The following ZPR1 variants were observed in gnomAD, a reference collection of about 807,000 sequenced individuals.
The protein encoded by ZPR1 is ZPR1 zinc finger, also known as zinc finger protein ZPR1.
ZPR1 carries 37 observed loss-of-function variants against 59.6 expected under a neutral mutation model. That is an observed-to-expected ratio of 0.62 (90% CI 0.48 to 0.82). The LOEUF (loss-of-function observed/expected upper bound fraction) is 0.82. Among genes scored for constraint, ZPR1 ranks in the 40% least tolerant of loss-of-function variants. The probability of loss-of-function intolerance (pLI) is 0.00; values close to 1 mark genes in which losing one functional copy is unlikely to be tolerated. For synonymous variants in ZPR1, 191 were observed against 215.2 expected (o/e 0.89, Z 0.99); for missense variants, 527 against 579.9 (o/e 0.91, Z 0.94).
At chr11:116,782,278 C>T (rs778656155) in intron 11 of ZPR1, 34 bp from the exon 12 acceptor site, 6 of 1,581,724 alleles carry the variant, frequency 3.8e-6, no homozygotes, top group South Asian at 1.1e-5. Flanking sequence ...TATGTGAATA[C>T]TGGCTTTATA....
chr11:116,784,867 T>C lies in ZPR1; in HGVS notation c.808A>G (p.Met270Val), dbSNP rs757127430. The stretch of plus-strand genomic sequence containing the variant: ...TGGCAAAAGATACGTACTAGCTTCA[T>C]GTTGGTCTGAGCGGGGGCATTGCAT... ...PECNAPAQTN[M>V]KLVQIPHFKE... is the part of the protein sequence containing the mutation. The change falls in exon 8 of 14, where the codon ATG becomes GTG. Residue 270 changes from methionine (M) to valine (V), a missense_variant. Physicochemically the swap from Met to Val is conservative, Grantham distance 21 (BLOSUM62 1). Coordinates refer to ENST00000227322, the MANE Select transcript of ZPR1 (RefSeq NM_003904.5). 2 of 1,614,208 alleles carry C rather than the reference T, an allele frequency of 1.2e-6. No individual in the cohort carries two copies. Among genetic ancestry groups the C allele is most frequent in the South Asian group, 1.1e-5 (1 of 91,082 alleles).
At chr11:116,786,923 T>C in intron 3 of ZPR1, 46 bp downstream of exon 3, 2 of 1,508,116 alleles carry the variant, frequency 1.3e-6, no homozygotes, top group Admixed American at 1.7e-5. Flanking sequence ...GAGGGTAAGA[T>C]TCTAGCTACA....
At position 116,787,946 on chromosome 11, in the gene ZPR1, G is replaced by T; in HGVS notation, c.45C>A (p.Ala15=). Residue 15 remains alanine (A), a synonymous_variant, in exon 1 of 14, where the codon GCC becomes GCA. Coordinates refer to ENST00000227322, the MANE Select transcript of ZPR1 (RefSeq NM_003904.5). ...GGGCCGGGGCGGGCGACGGGGCGAC[G>T]GCAGCCCCCGGGGGCCCTGGTTCCA... The part of the protein sequence containing the change: ...GAVEPGPPGA[A]VAPSPAPAPP... The T allele has an allele frequency of 1.4e-6, 2 of 1,466,038 alleles. No homozygotes were observed. Among genetic ancestry groups the T allele is most frequent in the South Asian group, 1.3e-5 (1 of 74,460 alleles). 90.8% of individuals were successfully genotyped at this position (1,466,038 alleles called of 1,614,324 possible).
intron 2 of ZPR1, 137 bp from the exon 3 acceptor site, chr11:116,787,196 T>C (rs1940901126): frequency 2.5e-6 from 2 of 796,228 alleles, no homozygotes; most frequent in Non-Finnish European, 4.2e-6. Flanking sequence ...TCCAGACTGC[T>C]CCTTTCGAAT....
intron 12 of ZPR1, 41 bp from the exon 13 acceptor site, chr11:116,779,878 C>G: frequency 8.7e-7 from 1 of 1,151,788 alleles, no homozygotes; most frequent in East Asian, 2.8e-5. Context: ...TTTTACATAA[C>G]CCCTGGTAAA....
rs1267690132 is a variant in ZPR1 at position 116,787,819 on chromosome 11, C to T, written c.171+1G>A. 3 of 1,555,478 alleles carry T rather than the reference C, an allele frequency of 1.9e-6. No homozygotes were observed. The highest frequency in any genetic ancestry group is 4.8e-5 in the East Asian group (2 of 41,410). ...CGCTCGCGGCCGCGCCCCCGCCTCA[C>T]ATTGCAGTAACAGTTCATGCATAGC... On this transcript the variant is annotated splice_donor_variant, in intron 1 of 13. Coordinates refer to ENST00000227322, the MANE Select transcript of ZPR1 (RefSeq NM_003904.5). LOFTEE classifies it high-confidence loss of function.
In ZPR1 at chr11:116,778,660, T is replaced by C. The variant is rs1292208758; in HGVS notation, c.*265A>G. 2.2e-5 allele frequency: 9 copies of C among 411,604 alleles called. No homozygotes were observed. The highest frequency in any genetic ancestry group is 1.2e-4 in the Admixed American group (3 of 24,218). The allele number at this position is 411,604 out of a possible 1,614,324, so 25.5% of individuals were successfully genotyped here. A position where few individuals can be genotyped will look rare whatever the true frequency, so the allele number is the denominator to read the frequency against. ...GGGTGAGGACTTGATATGAAAAAAG[T>C]GATGACATACCCCTGGTTCATTTCT... On this transcript the variant is annotated 3_prime_UTR_variant, in exon 14 of 14. Coordinates refer to ENST00000227322, the MANE Select transcript of ZPR1 (RefSeq NM_003904.5).
At chr11:116,787,345 T>C (rs1207762223) in intron 2 of ZPR1, 137 bp downstream of exon 2, 2 of 905,638 alleles carry the variant, frequency 2.2e-6, no homozygotes, top group Admixed American at 5.6e-5. Context: ...ACAACACCAG[T>C]ACCATTTTAC....
chr11:116,774,342 G>C lies in ZPR1; in HGVS notation c.*4583C>G, dbSNP rs1162400245. 6.6e-6 allele frequency: 1 copy of C among 152,022 alleles called. No individual in the cohort carries two copies. The highest frequency in any genetic ancestry group is 2.4e-5 in the African/African-American group (1 of 41,398). The allele number at this position is 152,022 out of a possible 1,614,324, so 9.4% of individuals were successfully genotyped here. Reference sequence around the variant, plus strand: ...GAACTTGTCTTAAAACTGAAAACTTGTACCATTTGAGAGAGAAGTTTTAGT... The same window carrying C: ...GAACTTGTCTTAAAACTGAAAACTTCTACCATTTGAGAGAGAAGTTTTAGT... On this transcript the variant is annotated 3_prime_UTR_variant, in exon 14 of 14. Transcript: ENST00000227322.
rs941283499 is a variant in ZPR1, at chr11:116,776,477, T to C, written c.*2448A>G. ...TGCTGTGGAGCAAGACTCAGTTAACTATATGTAAGCTCCCATCCTGACACA... is the reference window on the plus strand; with the variant it reads ...TGCTGTGGAGCAAGACTCAGTTAACCATATGTAAGCTCCCATCCTGACACA... On this transcript the variant is annotated 3_prime_UTR_variant, in exon 14 of 14. Transcript: ENST00000227322. 2 of 152,258 alleles carry C rather than the reference T, an allele frequency of 1.3e-5. No homozygotes were observed. Among genetic ancestry groups the C allele is most frequent in the African/African-American group, 4.8e-5 (2 of 41,462 alleles). 9.4% of individuals were successfully genotyped at this position (152,258 alleles called of 1,614,324 possible).
chr11:116,782,954 T>C lies in ZPR1; in HGVS notation c.1057A>G (p.Thr353Ala), dbSNP rs764841053. The change falls in exon 11 of 14, where the codon ACA becomes GCA. Residue 353 changes from threonine (T) to alanine (A), a missense_variant. Coordinates refer to ENST00000227322, the MANE Select transcript of ZPR1 (RefSeq NM_003904.5). ...GMAVLGGKFT[T>A]LEGLLKDIRE... ...ATGTCTTTCAGCAGCCCTTCCAGTG[T>C]GGTGAACTTGCCCCCGAGGACTGCC... is the stretch of plus-strand genomic sequence containing the variant. The C allele has an allele frequency of 1.6e-5, 26 of 1,614,202 alleles. No individual in the cohort carries two copies. The highest frequency in any genetic ancestry group is 2.1e-5 in the Non-Finnish European group (25 of 1,180,032).
Position 116,787,957 on chromosome 11 carries a change from G to C in ZPR1, c.34C>G (p.Pro12Ala). The stretch of plus-strand genomic sequence containing the variant: ...GGCGACGGGGCGACGGCAGCCCCCG[G>C]GGGCCCTGGTTCCACAGCCCCGCTG... ...AASGAVEPGP[P>A]GAAVAPSPAP... is the part of the protein sequence containing the mutation. The change falls in exon 1 of 14, where the codon CCG becomes GCG. Residue 12 changes from proline to alanine, a missense_variant. Pro to Ala is a conservative substitution (Grantham distance 27). Coordinates refer to ENST00000227322, the MANE Select transcript of ZPR1 (RefSeq NM_003904.5). 6.9e-7 allele frequency: 1 copy of C among 1,458,062 alleles called. No homozygotes were observed. 90.3% of individuals were successfully genotyped at this position (1,458,062 alleles called of 1,614,324 possible).
At chr11:116,787,211 C>T (rs1274911172) in intron 2 of ZPR1, 152 bp from the exon 3 acceptor site, 3 of 737,214 alleles carry the variant, frequency 4.1e-6, no homozygotes, top group Non-Finnish European at 6.8e-6. Flanking sequence ...TCGAATAGTA[C>T]AGGTGGTGTG....
At chr11:116,786,623 C>T (rs760909171) in intron 3 of ZPR1, 42 bp from the exon 4 acceptor site, 2 of 1,565,728 alleles carry the variant, frequency 1.3e-6, no homozygotes, top group African/African-American at 1.4e-5. Context: ...TTAGCCTCAG[C>T]TCTGCTATCA....
intron 4 of ZPR1, 144 bp from the exon 5 acceptor site, chr11:116,786,026 T>G: frequency 1.3e-6 from 1 of 741,732 alleles, no homozygotes; most frequent in Non-Finnish European, 2.3e-6. Flanking sequence ...CACAATGAGA[T>G]GTAGCAAACA....
Position 116,785,789 on chromosome 11 carries a change from T to C in ZPR1, c.582+7A>G, listed in dbSNP as rs1393725194. 6.2e-7 allele frequency: 1 copy of C among 1,613,898 alleles called. No homozygotes were observed. Among genetic ancestry groups the C allele is most frequent in the African/African-American group, 1.3e-5 (1 of 74,942 alleles). On this transcript the variant is annotated splice_region_variant and intron_variant, in intron 5 of 13. Transcript: ENST00000227322. Reference sequence around the variant, plus strand: ...ATCAAGGGCAACTCCAGCCTCTCAATACTCACCAGAGTGAAAGGGGAGGCT... The same window carrying C: ...ATCAAGGGCAACTCCAGCCTCTCAACACTCACCAGAGTGAAAGGGGAGGCT...
Position 116,778,862 on chromosome 11 carries a change from CAATACTAATAA to C in ZPR1, c.*52_*62del. ...GACACTCCCAGCCTTCGCCTTCATC[CAATACTAATAA>C]ATAACCTACAGAAAGAGCAGCGCTG... On this transcript the variant is annotated 3_prime_UTR_variant, in exon 14 of 14. Transcript: ENST00000227322. 6.3e-7 allele frequency: 1 copy of C among 1,581,948 alleles called. No individual in the cohort carries two copies. The highest frequency in any genetic ancestry group is 1.1e-5 in the South Asian group (1 of 87,374).
At chr11:116,782,309 A>G in intron 11 of ZPR1, 65 bp from the exon 12 acceptor site, 2 of 1,449,536 alleles carry the variant, frequency 1.4e-6, no homozygotes, top group Admixed American at 1.7e-5. Flanking sequence ...CTGACCATAA[A>G]CTAGGCAGGG....
chr11:116,783,948 TG>T (rs1940848534), intron 9 of ZPR1, among the ~76,000 whole-genome samples: 1 of 151,996 alleles, frequency 6.6e-6, no homozygotes, highest in Admixed American at 6.6e-5. Context: ...ATCCAATGTG[TG>T]GGTCTCCTTT....
Sources: allele counts gnomAD v4.1 joint callset (sites outside exome capture counted in the v4.1 genomes callset), GRCh38; gene constraint gnomAD v4.1.1; transcripts MANE v1.5; gene names NCBI Gene and HGNC (gene_info 2026-07-23, HGNC 2026-07-21).